MBOAT2: variants seen among roughly 807,000 people sequenced by gnomAD.
The protein encoded by MBOAT2 is membrane bound glycerophospholipid O-acyltransferase 2.
MBOAT2 carries 28 observed loss-of-function variants against 63.4 expected under a neutral mutation model. That is an observed-to-expected ratio of 0.44 (90% CI 0.33 to 0.61). MBOAT2 has a LOEUF of 0.61. Ranked by LOEUF, MBOAT2 falls within the 20% of genes least tolerant of loss-of-function variation. MBOAT2 has a pLI of 0.03. For synonymous variants in MBOAT2, 211 were observed against 215.6 expected, an observed-to-expected ratio of 0.98 and a Z score of 0.19; for missense variants, 470 against 605.8, an observed-to-expected ratio of 0.78 and a Z score of 2.35.
At chr2:8,946,104 ATGACTC>A (rs1316921494) in intron 2 of MBOAT2, among the ~76,000 whole-genome samples, 1 of 152,258 alleles carries the variant, frequency 6.6e-6, no homozygotes, top group Non-Finnish European at 1.5e-5. Context: ...TAACAGATGA[ATGACTC>A]TGAGTAACTT....
chr2:8,872,391 C>T lies in MBOAT2; in HGVS notation c.883+717G>A, dbSNP rs116148711. 7.2e-3 allele frequency among the ~76,000 whole-genome samples: 1,102 copies of T among 152,272 alleles called. 4 individuals are homozygous for T. The highest frequency in any genetic ancestry group is 8.5e-3 in the South Asian group (41 of 4,820). Reference sequence around the variant, plus strand: ...CTCCTAGGCTCAAGCGGTCCTCTCACCCCAGCCTCTCAAGTAGCTGGGACT... The same window carrying T: ...CTCCTAGGCTCAAGCGGTCCTCTCATCCCAGCCTCTCAAGTAGCTGGGACT... On this transcript the variant is annotated intron_variant, in intron 8 of 12. Transcript: ENST00000305997.
At chr2:8,900,205 G>A (rs577379148) in intron 4 of MBOAT2, among the ~76,000 whole-genome samples, 507 of 152,302 alleles carry the variant, frequency 3.3e-3, no homozygotes, top group Non-Finnish European at 5.0e-3. Flanking sequence ...TGAGGTCCCA[G>A]TGGAGATCCA....
Position 8,957,752 on chromosome 2 carries a change from C to T in MBOAT2, c.221+745G>A, listed in dbSNP as rs74798438. On this transcript the variant is annotated intron_variant, in intron 2 of 12. Transcript: ENST00000305997. ...CAGATGAGCATGCAGCACAAGTGCT[C>T]ACGTAAGAAAGCAAGCTCAGGAAGA... 6.8e-3 allele frequency among the ~76,000 whole-genome samples: 1,042 copies of T among 152,262 alleles called. 19 individuals are homozygous for T. The highest frequency in any genetic ancestry group is 0.024 in the African/African-American group (998 of 41,534).
intron 1 of MBOAT2, among the ~76,000 whole-genome samples, chr2:8,966,647 T>C (rs1670012790): frequency 1.3e-5 from 2 of 152,202 alleles, no homozygotes; most frequent in Admixed American, 1.3e-4. Flanking sequence ...ATTTTTTACA[T>C]CTTTATGAGA....
At chr2:8,996,019 C>T (rs1672275777) in intron 1 of MBOAT2, among the ~76,000 whole-genome samples, 1 of 152,190 alleles carries the variant, frequency 6.6e-6, no homozygotes, top group South Asian at 2.1e-4. Flanking sequence ...ACTCCCTGGC[C>T]CTCATTGGGT....
intron 3 of MBOAT2, among the ~76,000 whole-genome samples, chr2:8,916,426 C>T (rs1028811627): frequency 6.6e-6 from 1 of 152,174 alleles, no homozygotes; most frequent in African/African-American, 2.4e-5. Context: ...TGAATTGCTG[C>T]CTCATTTCAA....
intron 1 of MBOAT2, among the ~76,000 whole-genome samples, chr2:8,975,430 C>T (rs980194325): frequency 6.6e-6 from 1 of 152,050 alleles, no homozygotes; most frequent in East Asian, 1.9e-4. Context: ...TTCATCTATG[C>T]ATTACTACCA....
chr2:8,903,420 G>T (rs138191136), intron 4 of MBOAT2, among the ~76,000 whole-genome samples: 3 of 152,076 alleles, frequency 2.0e-5, no homozygotes, highest in Admixed American at 1.3e-4. Context: ...CCTCTGATAC[G>T]GTTCAGTTAG....
At chr2:8,975,442 T>C (rs547772392) in intron 1 of MBOAT2, among the ~76,000 whole-genome samples, 2 of 152,104 alleles carry the variant, frequency 1.3e-5, no homozygotes, top group African/African-American at 4.8e-5. Flanking sequence ...TTACTACCAA[T>C]CCCTGAGTGG....
At chr2:8,997,715 C>T (rs994538932) in intron 1 of MBOAT2, among the ~76,000 whole-genome samples, 1 of 152,130 alleles carries the variant, frequency 6.6e-6, no homozygotes, top group African/African-American at 2.4e-5. Context: ...ATAGGTACTA[C>T]TACTTATTAT....
At chr2:8,990,196 A>T (rs1326355177) in intron 1 of MBOAT2, among the ~76,000 whole-genome samples, 1 of 152,238 alleles carries the variant, frequency 6.6e-6, no homozygotes, top group Non-Finnish European at 1.5e-5. Context: ...TTTACACTGC[A>T]GTTTCCTTAA....
At chr2:8,980,726 A>C (rs1045684819) in intron 1 of MBOAT2, among the ~76,000 whole-genome samples, 1 of 152,178 alleles carries the variant, frequency 6.6e-6, no homozygotes, top group Non-Finnish European at 1.5e-5. Flanking sequence ...TGTTGACAAG[A>C]ATGTGGAGAA....
intron 9 of MBOAT2, among the ~76,000 whole-genome samples, chr2:8,866,129 T>C (rs1251066807): frequency 2.6e-5 from 4 of 152,342 alleles, no homozygotes; most frequent in South Asian, 2.1e-4. Flanking sequence ...TTAGCATTGA[T>C]GACCATTTTT....
chr2:8,891,592 C>T (rs959036934), intron 4 of MBOAT2, among the ~76,000 whole-genome samples: 1 of 152,230 alleles, frequency 6.6e-6, no homozygotes, highest in African/African-American at 2.4e-5. Flanking sequence ...ATTTCACTTA[C>T]ATCTTTACTG....
At chr2:8,954,447 A>T (rs936406126) in intron 2 of MBOAT2, among the ~76,000 whole-genome samples, 1 of 151,988 alleles carries the variant, frequency 6.6e-6, no homozygotes, top group African/African-American at 2.4e-5. Context: ...TGGCCTACAG[A>T]TCCCCCAGTG....
At chr2:8,992,995 T>C (rs1354360861) in intron 1 of MBOAT2, among the ~76,000 whole-genome samples, 1 of 152,122 alleles carries the variant, frequency 6.6e-6, no homozygotes, top group Non-Finnish European at 1.5e-5. Context: ...GGGTGAGATA[T>C]CCCAAAGGAG....
At chr2:8,911,791 T>C (rs1389855532) in intron 3 of MBOAT2, among the ~76,000 whole-genome samples, 2 of 152,152 alleles carry the variant, frequency 1.3e-5, no homozygotes, top group African/African-American at 4.8e-5. Flanking sequence ...AGATGCTCAA[T>C]GTTGAACTTT....
intron 11 of MBOAT2, chr2:8,860,965 A>G: frequency 2.8e-6 from 1 of 362,130 alleles, no homozygotes; most frequent in South Asian, 4.7e-5. Context: ...TGTGTATAAA[A>G]GACAGAGAGA....
At chr2:8,979,916 G>A (rs6750060) in intron 1 of MBOAT2, among the ~76,000 whole-genome samples, 13,164 of 152,108 alleles carry the variant, frequency 0.087, 969 homozygotes, top group African/African-American at 0.2. Context: ...GGGCTAGGGA[G>A]AAAGCCGCAG....
Sources: allele counts gnomAD v4.1 joint callset (sites outside exome capture counted in the v4.1 genomes callset), GRCh38; gene constraint gnomAD v4.1.1; transcripts MANE v1.5; gene names NCBI Gene and HGNC (gene_info 2026-07-23, HGNC 2026-07-21).